The following CASK variants were observed in gnomAD, a reference collection of about 807,000 sequenced individuals.
CASK encodes calcium/calmodulin dependent serine protein kinase, also known as peripheral plasma membrane protein CASK.
CASK carries 4 observed loss-of-function variants against 82.9 expected under a neutral mutation model. The observed-to-expected ratio is 0.05, with a 90% CI of 0.02 to 0.11. The LOEUF (loss-of-function observed/expected upper bound fraction) is 0.11, where lower values mean the gene tolerates loss of function less well. Among genes scored for constraint, CASK ranks in the 10% least tolerant of loss-of-function variants. CASK has a pLI of 1.00. For missense variants in CASK, 358 were observed against 720.9 expected (o/e 0.50, Z 5.76); for synonymous variants, 259 against 253.5 (o/e 1.02, Z -0.20).
chrX:41,891,432 G>A (rs1372639312), intron 1 of CASK, among the ~76,000 whole-genome samples: 1 of 111,644 alleles, frequency 9.0e-6, no homozygotes, highest in Admixed American at 9.5e-5. Context: ...ACTGGACATC[G>A]TTGATGATGC....
chrX:41,797,157 T>C (rs2069873570), intron 2 of CASK, among the ~76,000 whole-genome samples: 1 of 109,914 alleles, frequency 9.1e-6, no homozygotes, highest in African/African-American at 3.3e-5. Flanking sequence ...TTTTTTTTTT[T>C]TGAAGTCACA....
intron 5 of CASK, among the ~76,000 whole-genome samples, chrX:41,694,301 T>C (rs2067637246): frequency 8.9e-6 from 1 of 112,205 alleles, no homozygotes; most frequent in African/African-American, 3.2e-5. Flanking sequence ...GGTCTGATTT[T>C]GAGAACCTTG....
chrX:41,580,864 T>C (rs1159529299), intron 14 of CASK, among the ~76,000 whole-genome samples: 1 of 112,405 alleles, frequency 8.9e-6, no homozygotes, highest in East Asian at 2.8e-4. Context: ...AACAATCGTG[T>C]AATAGGAAAA....
At chrX:41,773,481 C>A (rs1430899605) in intron 3 of CASK, among the ~76,000 whole-genome samples, 1 of 110,946 alleles carries the variant, frequency 9.0e-6, no homozygotes, top group East Asian at 2.8e-4. Flanking sequence ...TAAATCATGA[C>A]CAGGTTTGGT....
At chrX:41,612,751 TGG>T (rs756228813) in intron 11 of CASK, among the ~76,000 whole-genome samples, 3 of 34,510 alleles carry the variant, frequency 8.7e-5, no homozygotes, top group Admixed American at 6.7e-4. Flanking sequence ...GGGAGGGAGG[TGG>T]GGGGGGGTCA....
At position 41,636,633 on chromosome X, in the gene CASK, T is replaced by C; in HGVS notation, c.860A>G (p.His287Arg). The stretch of plus-strand genomic sequence containing the variant: ...CAGCTGCTCTACTGTTTCTGGAAGA[T>C]GAATCTTGTAGGCGTAACGATCCCG... The part of the protein sequence containing the change: ...KERDRYAYKI[H>R]LPETVEQLRK... The change falls in exon 9 of 27, where the codon CAT becomes CGT. Residue 287 changes from histidine to arginine, a missense_variant. By Grantham distance (29) the His-to-Arg change is conservative. This residue lies in a region of CASK where 110 missense variants were observed against 218.8 expected (regional missense o/e 0.50). Transcript: ENST00000378163. The C allele has an allele frequency of 8.4e-7, 1 of 1,193,373 alleles. No homozygotes were observed. The highest frequency in any genetic ancestry group is 1.1e-6 in the Non-Finnish European group (1 of 878,710).
At chrX:41,820,486 CAA>C (rs972172546) in intron 2 of CASK, among the ~76,000 whole-genome samples, 1 of 110,675 alleles carries the variant, frequency 9.0e-6, no homozygotes, top group African/African-American at 3.3e-5. Flanking sequence ...CTTAAAACTA[CAA>C]AGATATTTTC....
chrX:41,551,209 TG>T (rs1215060647), intron 21 of CASK, among the ~76,000 whole-genome samples: 2 of 112,159 alleles, frequency 1.8e-5, no homozygotes, highest in African/African-American at 6.5e-5. Context: ...ATCAAGTACA[TG>T]GCTTCAGCTC....
At chrX:41,717,853 C>T (rs2068089136) in intron 5 of CASK, among the ~76,000 whole-genome samples, 1 of 112,098 alleles carries the variant, frequency 8.9e-6, no homozygotes, top group Non-Finnish European at 1.9e-5. Context: ...TTTGGTCTTT[C>T]GTCTGTTGTC....
intron 5 of CASK, among the ~76,000 whole-genome samples, chrX:41,717,990 C>G (rs1030679071): frequency 8.9e-6 from 1 of 112,337 alleles, no homozygotes; most frequent in African/African-American, 3.2e-5. Context: ...AAGACCAAGG[C>G]AGGATGACAA....
At chrX:41,854,207 CGCGCGCGCGG>C (rs1296696943) in intron 1 of CASK, among the ~76,000 whole-genome samples, 66 of 96,940 alleles carry the variant, frequency 6.8e-4, no homozygotes, top group African/African-American at 2.4e-3. Flanking sequence ...GGAACATGCG[CGCGCGCGCGG>C]GCGCGCGCAC....
At chrX:41,714,693 T>G (rs754983483) in intron 5 of CASK, among the ~76,000 whole-genome samples, 1 of 111,677 alleles carries the variant, frequency 9.0e-6, no homozygotes, top group East Asian at 2.8e-4. Flanking sequence ...GAATTTCCAC[T>G]TGGGGGTATT....
At chrX:41,582,167 AT>A (rs1379371032) in intron 14 of CASK, among the ~76,000 whole-genome samples, 2 of 109,322 alleles carry the variant, frequency 1.8e-5, no homozygotes, top group Admixed American at 9.8e-5. Context: ...CTAAACTCTT[AT>A]CCCCCCTACA....
intron 5 of CASK, among the ~76,000 whole-genome samples, chrX:41,733,390 C>G (rs1037372347): frequency 9.0e-6 from 1 of 110,886 alleles, no homozygotes; most frequent in Non-Finnish European, 1.9e-5. Context: ...TAAAACTGAA[C>G]GTGCACATTA....
chrX:41,692,971 T>C (rs186733788), intron 5 of CASK, among the ~76,000 whole-genome samples: 1 of 112,184 alleles, frequency 8.9e-6, no homozygotes, highest in Non-Finnish European at 1.9e-5. Context: ...AATTCCCTCT[T>C]TGATTTAATA....
At chrX:41,917,396 T>C (rs1420769639) in intron 1 of CASK, among the ~76,000 whole-genome samples, 1 of 112,603 alleles carries the variant, frequency 8.9e-6, no homozygotes, top group Non-Finnish European at 1.9e-5. Flanking sequence ...TCAAAGTTCC[T>C]TTAAATGCAG....
intron 20 of CASK, among the ~76,000 whole-genome samples, chrX:41,555,240 T>C (rs2065145951): frequency 8.9e-6 from 1 of 112,582 alleles, no homozygotes; most frequent in Non-Finnish European, 1.9e-5. Flanking sequence ...TTAAAAATGT[T>C]CATCAGCATT....
chrX:41,886,151 C>T (rs963422742), intron 1 of CASK, among the ~76,000 whole-genome samples: 1 of 111,308 alleles, frequency 9.0e-6, no homozygotes, highest in Non-Finnish European at 1.9e-5. Flanking sequence ...GTGAAGTAAC[C>T]CCTTTGGATT....
intron 12 of CASK, among the ~76,000 whole-genome samples, chrX:41,605,097 T>C (rs770863680): frequency 2.0e-4 from 22 of 112,275 alleles, no homozygotes; most frequent in Admixed American, 6.6e-4. Flanking sequence ...TAATCTTTAG[T>C]TTTTCTTAGG....
Sources: gnomAD v4.1 joint callset for allele counts (sites outside exome capture counted in the v4.1 genomes callset) on GRCh38, gnomAD v4.1.1 for gene constraint, gnomAD v4.1.1 regional missense constraint, MANE v1.5 for transcripts, NCBI Gene and HGNC (gene_info 2026-07-23, HGNC 2026-07-21) for gene names.